Variants in CD7 observed in about 807,000 individuals in gnomAD.
The protein encoded by CD7 is CD7 molecule.
Under a neutral mutation model 17.6 loss-of-function variants are expected in CD7, and 19 were observed. That is an observed-to-expected ratio of 1.08 (90% CI 0.75 to 1.58). The LOEUF (loss-of-function observed/expected upper bound fraction) is 1.58, where lower values mean the gene tolerates loss of function less well. CD7 is among the 40% of genes most tolerant of loss of function. The probability of loss-of-function intolerance (pLI) is 0.00; values close to 1 mark genes in which losing one functional copy is unlikely to be tolerated. For missense variants in CD7, 291 were observed against 327.1 expected (o/e 0.89, Z 0.85); for synonymous variants, 160 against 159.8 (o/e 1.00, Z -0.01).
intron 3 of CD7, 175 bp from the exon 4 acceptor site, chr17:82,315,606 G>C (rs1243324273): frequency 5.0e-6 from 3 of 600,886 alleles, no homozygotes; most frequent in Non-Finnish European, 8.9e-6. Flanking sequence ...GGCAGGGCTG[G>C]GTCGGACCCT....
At chr17:82,316,076 G>T in intron 3 of CD7, 119 bp downstream of exon 3, 1 of 1,079,430 alleles carries the variant, frequency 9.3e-7, no homozygotes, top group Non-Finnish European at 1.4e-6. Context: ...GAGTTCCAGA[G>T]CCTGCAGAGG....
intron 3 of CD7, chr17:82,315,838 G>C (rs562074692): frequency 1.7e-6 from 1 of 592,652 alleles, no homozygotes; most frequent in Admixed American, 3.0e-5. Context: ...CCCACACACA[G>C]GCTCACACCT....
chr17:82,317,557 AC>A lies in CD7; in HGVS notation c.-63del. ...AGCTGAGCCTCTCTGGGTCTACAGG[AC>A]CCCACAGAGAGCAGCACACAGGAGA... On this transcript the variant is annotated 5_prime_UTR_variant, in exon 1 of 4. Transcript: ENST00000312648. 1.4e-6 allele frequency: 2 copies of A among 1,442,038 alleles called. No individual in the cohort carries two copies. Among genetic ancestry groups the A allele is most frequent in the Non-Finnish European group, 1.9e-6 (2 of 1,068,034 alleles). 89.3% of individuals were successfully genotyped at this position (1,442,038 alleles called of 1,614,324 possible).
At chr17:82,315,609 C>T (rs1307241480) in intron 3 of CD7, 178 bp from the exon 4 acceptor site, 18 of 597,264 alleles carry the variant, frequency 3.0e-5, no homozygotes, top group South Asian at 1.3e-4. Context: ...AGGGCTGGGT[C>T]GGACCCTGGG....
chr17:82,317,280 C>G (rs1326162355), intron 1 of CD7, 134 bp downstream of exon 1: 1 of 910,240 alleles, frequency 1.1e-6, no homozygotes, highest in Non-Finnish European at 1.7e-6. Context: ...TAAATGAGTC[C>G]TCAGACACTG....
Position 82,315,421 on chromosome 17 carries a change from A to C in CD7, c.623T>G (p.Leu208Arg). ...CVLARTQIKK[L>R]CSWRDKNSAA... ...CGAATTCTTATCCCGCCACGAGCAC[A>C]GTTTCTTTATCTGAAAGACAGAACC... is the stretch of plus-strand genomic sequence containing the variant. Residue 208 changes from leucine to arginine, a missense_variant, in exon 4 of 4, where the codon CTG becomes CGG. Physicochemically the swap from Leu to Arg is moderately radical, Grantham distance 102. Transcript: ENST00000312648. 2.5e-6 allele frequency: 4 copies of C among 1,613,668 alleles called. No homozygotes were observed. Among genetic ancestry groups the C allele is most frequent in the Non-Finnish European group, 3.4e-6 (4 of 1,179,702 alleles).
rs779733724 is a variant in CD7, at chr17:82,317,031, A to G, written c.83-50T>C. ...ATCAGTCTGGCCAGAAGGACAGAGA[A>G]TGTCCTCCCTGCAGGGGACAGTGGT... is the stretch of plus-strand genomic sequence containing the variant. On this transcript the variant is annotated intron_variant, in intron 1 of 3. Transcript: ENST00000312648. 2.7e-6 allele frequency: 4 copies of G among 1,475,492 alleles called. No homozygotes were observed. In the African/African-American group the frequency reaches 4.2e-5, roughly 15 times the overall value. 91.4% of individuals were successfully genotyped at this position (1,475,492 alleles called of 1,614,324 possible).
rs1009145891 is a variant in CD7 at position 82,317,552 on chromosome 17, A to G, written c.-57T>C. 1.4e-6 allele frequency: 2 copies of G among 1,437,366 alleles called. No individual in the cohort carries two copies. Among genetic ancestry groups the G allele is most frequent in the Middle Eastern group, 2.1e-4 (1 of 4,776 alleles). The allele number at this position is 1,437,366 out of a possible 1,614,324, so 89.0% of individuals were successfully genotyped here. ...AGTGCAGCTGAGCCTCTCTGGGTCT[A>G]CAGGACCCCACAGAGAGCAGCACAC... On this transcript the variant is annotated 5_prime_UTR_variant, in exon 1 of 4. Coordinates refer to ENST00000312648, the MANE Select transcript of CD7 (RefSeq NM_006137.7).
At chr17:82,315,810 G>T in intron 3 of CD7, 1 of 578,594 alleles carries the variant, frequency 1.7e-6, no homozygotes, top group South Asian at 2.1e-5. Context: ...CAACATGCAC[G>T]CACAGTCCTC....
At chr17:82,315,968 C>CGCGCACAT (rs2052009176) in intron 3 of CD7, 4 of 649,376 alleles carry the variant, frequency 6.2e-6, no homozygotes, top group Non-Finnish European at 2.7e-6. Flanking sequence ...CACGCGCACA[C>CGCGCACAT]GCGCACACGC....
At position 82,316,812 on chromosome 17, in the gene CD7, G is replaced by A; in HGVS notation, c.252C>T (p.Phe84=). ...DGVVPTTDRR[F]RGRIDFSGSQ... is the part of the protein sequence containing the mutation. ...ACCCTGAGAAGTCGATGCGGCCCCGGAACCGTCTGTCCGTAGTGGGCACCA... is the reference window on the plus strand; with the variant it reads ...ACCCTGAGAAGTCGATGCGGCCCCGAAACCGTCTGTCCGTAGTGGGCACCA... Residue 84 remains phenylalanine, a synonymous_variant, in exon 2 of 4, where the codon TTC becomes TTT. Coordinates refer to ENST00000312648, the MANE Select transcript of CD7 (RefSeq NM_006137.7). The A allele has an allele frequency of 6.2e-7, 1 of 1,613,990 alleles. No individual in the cohort carries two copies. The highest frequency in any genetic ancestry group is 8.5e-7 in the Non-Finnish European group (1 of 1,179,994).
intron 3 of CD7, chr17:82,315,807 C>A: frequency 3.5e-6 from 2 of 578,724 alleles, no homozygotes; most frequent in South Asian, 2.1e-5. Flanking sequence ...CTCCAACATG[C>A]ACGCACAGTC....
At position 82,315,486 on chromosome 17, in the gene CD7, C is replaced by T. The variant is rs1306213693; in HGVS notation, c.613-55G>A. ...GTGGCCAGCGTGGTGTCCTGGACCC[C>T]ACCCCACTCCGGTCAGCTTTCTAAT... On this transcript the variant is annotated intron_variant, in intron 3 of 3. Coordinates refer to ENST00000312648, the MANE Select transcript of CD7 (RefSeq NM_006137.7). 3.0e-6 allele frequency: 4 copies of T among 1,340,210 alleles called. No homozygotes were observed. The South Asian group carries it at 4.7e-5, about 16-fold the overall frequency. 83.0% of individuals were successfully genotyped at this position (1,340,210 alleles called of 1,614,324 possible).
In CD7 at chr17:82,315,447, G is replaced by T; in HGVS notation, c.613-16C>A. The T allele has an allele frequency of 6.2e-7, 1 of 1,601,980 alleles. No homozygotes were observed. Among genetic ancestry groups the T allele is most frequent in the Admixed American group, 1.7e-5 (1 of 59,924 alleles). The stretch of plus-strand genomic sequence containing the variant: ...GTTTCTTTATCTGAAAGACAGAACC[G>T]CCGTCTCCAACCAGTGGCCAGCGTG... On this transcript the variant is annotated splice_polypyrimidine_tract_variant and intron_variant, in intron 3 of 3. Transcript: ENST00000312648.
chr17:82,315,431 T>C lies in CD7; in HGVS notation c.613A>G (p.Ile205Val). Residue 205 changes from isoleucine to valine, a missense_variant and splice_region_variant, in exon 4 of 4, where the codon ATA (isoleucine) becomes GTA (valine). Ile to Val is a conservative substitution (Grantham distance 29, BLOSUM62 3). Coordinates refer to ENST00000312648, the MANE Select transcript of CD7 (RefSeq NM_006137.7). Reference sequence around the variant, plus strand: ...TCCCGCCACGAGCACAGTTTCTTTATCTGAAAGACAGAACCGCCGTCTCCA... The same window carrying C: ...TCCCGCCACGAGCACAGTTTCTTTACCTGAAAGACAGAACCGCCGTCTCCA... ...GVACVLARTQ[I>V]KKLCSWRDKN... is the part of the protein sequence containing the mutation. 1 of 1,612,998 alleles carries C rather than the reference T, an allele frequency of 6.2e-7. No homozygotes were observed. The highest frequency in any genetic ancestry group is 8.5e-7 in the Non-Finnish European group (1 of 1,179,102).
rs557420990 is a variant in CD7 at position 82,315,219 on chromosome 17, G to A, written c.*102C>T. 4.1e-5 allele frequency: 32 copies of A among 776,942 alleles called. No homozygotes were observed. Among genetic ancestry groups the A allele is most frequent in the Admixed American group, 3.5e-4 (18 of 51,122 alleles). The allele number at this position is 776,942 out of a possible 1,614,324, so 48.1% of individuals were successfully genotyped here. A position where few individuals can be genotyped will look rare whatever the true frequency, so the allele number is the denominator to read the frequency against. ...GGGCCCTTCAAACTCTGCTGCAGCC[G>A]TGGGAGGACAGCAGGGTGAGGGGTG... On this transcript the variant is annotated 3_prime_UTR_variant, in exon 4 of 4. Coordinates refer to ENST00000312648, the MANE Select transcript of CD7 (RefSeq NM_006137.7).
chr17:82,317,088 C>T, intron 1 of CD7, 107 bp from the exon 2 acceptor site: 2 of 1,071,190 alleles, frequency 1.9e-6, no homozygotes, highest in Non-Finnish European at 2.6e-6. Flanking sequence ...CAGCCCAGGG[C>T]TGACATGTCG....
At chr17:82,317,122 G>A (rs2052025010) in intron 1 of CD7, 141 bp from the exon 2 acceptor site, 1 of 784,690 alleles carries the variant, frequency 1.3e-6, no homozygotes. Context: ...GCCTTACGGG[G>A]CATGGAGCAG....
Position 82,316,749 on chromosome 17 carries a change from C to G in CD7, c.315G>C (p.Gln105His), listed in dbSNP as rs1217412921. 7 of 1,613,694 alleles carry G rather than the reference C, an allele frequency of 4.3e-6. No individual in the cohort carries two copies. The South Asian group carries it at 6.6e-5, about 15-fold the overall frequency. Residue 105 changes from glutamine to histidine, a missense_variant, in exon 2 of 4, where the codon CAG (glutamine) becomes CAC (histidine). Coordinates refer to ENST00000312648, the MANE Select transcript of CD7 (RefSeq NM_006137.7). ...DNLTITMHRLQLSDTGTYTCQ... is the reference protein window; with the variant it reads ...DNLTITMHRLHLSDTGTYTCQ... ...AGGTGTAGGTGCCAGTGTCCGACAG[C>G]TGCAGGCGGTGCATGGTGATAGTCA...
Sources: gnomAD v4.1 joint callset for allele counts on GRCh38, gnomAD v4.1.1 for gene constraint, MANE v1.5 for transcripts, NCBI Gene and HGNC (gene_info 2026-07-23, HGNC 2026-07-21) for gene names.